Variants in CPQ observed in about 807,000 individuals in gnomAD.
CPQ encodes carboxypeptidase Q.
CPQ carries 37 observed loss-of-function variants against 45.7 expected under a neutral mutation model. The ratio of observed to expected loss-of-function variants is 0.81; its 90% CI spans 0.62 to 1.07. The LOEUF is 1.07. CPQ is among the 50% of genes least tolerant of loss of function. CPQ has a pLI of 0.00. For synonymous variants in CPQ, 186 were observed against 205.8 expected, an observed-to-expected ratio of 0.90 and a Z score of 0.82; for missense variants, 537 against 572.9, an observed-to-expected ratio of 0.94 and a Z score of 0.64.
At chr8:97,094,734 T>C (rs1284467338) in intron 7 of CPQ, among the ~76,000 whole-genome samples, 2 of 151,930 alleles carry the variant, frequency 1.3e-5, no homozygotes, top group Admixed American at 6.6e-5. Flanking sequence ...AGAATATAAA[T>C]ATTTCAAGTA....
intron 7 of CPQ, among the ~76,000 whole-genome samples, chr8:97,080,802 C>T (rs575264702): frequency 1.3e-5 from 2 of 152,214 alleles, no homozygotes; most frequent in East Asian, 1.9e-4. Flanking sequence ...CAAATATGGT[C>T]GAGCTCTGTG....
At chr8:96,840,427 G>A (rs1811590838) in intron 3 of CPQ, among the ~76,000 whole-genome samples, 1 of 152,134 alleles carries the variant, frequency 6.6e-6, no homozygotes, top group Admixed American at 6.5e-5. Context: ...TTCTTGAAGT[G>A]TGGTCCCTGG....
chr8:97,009,579 A>G (rs1156916960), intron 5 of CPQ, among the ~76,000 whole-genome samples: 2 of 152,202 alleles, frequency 1.3e-5, no homozygotes, highest in Non-Finnish European at 2.9e-5. Flanking sequence ...TATGCAAAAA[A>G]TGTTTTTTAT....
At chr8:97,018,907 A>C (rs1809626827) in intron 5 of CPQ, among the ~76,000 whole-genome samples, 1 of 152,216 alleles carries the variant, frequency 6.6e-6, no homozygotes, top group African/African-American at 2.4e-5. Flanking sequence ...TCACAAAAAG[A>C]TCACCACCTA....
intron 1 of CPQ, among the ~76,000 whole-genome samples, chr8:96,750,705 T>C (rs544176799): frequency 9.2e-5 from 14 of 151,926 alleles, no homozygotes; most frequent in Non-Finnish European, 1.8e-4. Flanking sequence ...TGTGCCATGG[T>C]GGTTTGCTGC....
At chr8:96,713,806 C>T (rs902042398) in intron 1 of CPQ, among the ~76,000 whole-genome samples, 4 of 152,134 alleles carry the variant, frequency 2.6e-5, no homozygotes, top group African/African-American at 9.7e-5. Flanking sequence ...ATTTAGAACT[C>T]CTTTTATCAT....
At chr8:96,717,076 T>TATATATATAC (rs1809690915) in intron 1 of CPQ, among the ~76,000 whole-genome samples, 3 of 64,124 alleles carry the variant, frequency 4.7e-5, no homozygotes, top group East Asian at 4.4e-4. Flanking sequence ...TATATATATA[T>TATATATATAC]ACGTATATAT....
chr8:96,820,780 G>A (rs1811291237), intron 2 of CPQ, among the ~76,000 whole-genome samples: 1 of 152,032 alleles, frequency 6.6e-6, no homozygotes. Flanking sequence ...ACACGGGAGT[G>A]CAGATATCTC....
At chr8:96,747,448 G>A (rs1810202751) in intron 1 of CPQ, among the ~76,000 whole-genome samples, 1 of 152,050 alleles carries the variant, frequency 6.6e-6, no homozygotes, top group African/African-American at 2.4e-5. Flanking sequence ...TGTAACCTGA[G>A]CACGTGAGAC....
Position 97,038,009 on chromosome 8 carries a change from A to G in CPQ, c.1053+8515A>G, listed in dbSNP as rs550077126. On this transcript the variant is annotated intron_variant, in intron 6 of 7. Transcript: ENST00000220763. ...TTAAAGTAAAAAGACTATGACAACTAGAATGGAATTTTTTCATGTTTCTGG... is the reference window on the plus strand; with the variant it reads ...TTAAAGTAAAAAGACTATGACAACTGGAATGGAATTTTTTCATGTTTCTGG... Among the ~76,000 whole-genome samples the G allele has an allele frequency of 7.9e-5, 12 of 152,340 alleles. No homozygotes were observed. The South Asian group carries it at 2.1e-3, about 26-fold the overall frequency.
At chr8:96,790,227 C>G (rs757348743) in intron 2 of CPQ, among the ~76,000 whole-genome samples, 1 of 152,116 alleles carries the variant, frequency 6.6e-6, no homozygotes, top group Non-Finnish European at 1.5e-5. Flanking sequence ...GGAGAACATT[C>G]GTGCTACTGC....
chr8:97,135,225 T>C (rs1812030217), intron 7 of CPQ, among the ~76,000 whole-genome samples: 1 of 152,194 alleles, frequency 6.6e-6, no homozygotes, highest in Admixed American at 6.5e-5. Flanking sequence ...AAACTAAAAG[T>C]AGAATACTTT....
intron 2 of CPQ, among the ~76,000 whole-genome samples, chr8:96,824,453 T>G (rs567035146): frequency 6.6e-6 from 1 of 152,176 alleles, no homozygotes; most frequent in African/African-American, 2.4e-5. Context: ...AATTATCACC[T>G]TTTAGCACTT....
chr8:97,126,633 T>TA (rs1373418230), intron 7 of CPQ, among the ~76,000 whole-genome samples: 2 of 152,098 alleles, frequency 1.3e-5, no homozygotes, highest in South Asian at 2.1e-4. Context: ...AATAATATTT[T>TA]AAAAAATAAC....
chr8:96,970,529 T>G (rs1278996774), intron 5 of CPQ, among the ~76,000 whole-genome samples: 1 of 151,648 alleles, frequency 6.6e-6, no homozygotes, highest in Admixed American at 6.6e-5. Flanking sequence ...ATGTGAAAAA[T>G]TTAAATCTAG....
intron 7 of CPQ, among the ~76,000 whole-genome samples, chr8:97,118,156 G>C (rs1811626871): frequency 6.6e-6 from 1 of 152,180 alleles, no homozygotes; most frequent in Non-Finnish European, 1.5e-5. Flanking sequence ...GTACATCAAA[G>C]AGATCATTTA....
chr8:96,773,128 G>A (rs1031226547), intron 1 of CPQ, among the ~76,000 whole-genome samples: 4 of 152,108 alleles, frequency 2.6e-5, no homozygotes, highest in Admixed American at 1.3e-4. Context: ...GTCTGTTGCA[G>A]GAAAAGTGAT....
intron 6 of CPQ, among the ~76,000 whole-genome samples, chr8:97,033,355 T>C (rs938664327): frequency 2.3e-4 from 35 of 152,224 alleles, no homozygotes; most frequent in African/African-American, 8.2e-4. Context: ...TTTTTTCATA[T>C]GTTTAGCTGA....
intron 7 of CPQ, among the ~76,000 whole-genome samples, chr8:97,124,870 C>G (rs1563587917): frequency 2.0e-5 from 3 of 151,692 alleles, no homozygotes; most frequent in Non-Finnish European, 4.4e-5. Context: ...AAGAAGCTAA[C>G]AACAACAACA....
Sources: gnomAD v4.1 joint callset for allele counts (sites outside exome capture counted in the v4.1 genomes callset) on GRCh38, gnomAD v4.1.1 for gene constraint, MANE v1.5 for transcripts, NCBI Gene and HGNC (gene_info 2026-07-23, HGNC 2026-07-21) for gene names.